SEMA5B: variants seen among roughly 807,000 people sequenced by gnomAD.
The protein encoded by SEMA5B is semaphorin-5B.
In SEMA5B, 66 loss-of-function variants were observed where a neutral mutation model predicts 135.0. That is an observed-to-expected ratio of 0.49 (90% CI 0.40 to 0.60). SEMA5B has a LOEUF of 0.60. Ranked by LOEUF, SEMA5B falls within the 20% of genes least tolerant of loss-of-function variation. SEMA5B has a pLI of 0.00. For missense variants in SEMA5B, 1,501 were observed against 1,566.3 expected (o/e 0.96, Z 0.70); for synonymous variants, 690 against 639.5 (o/e 1.08, Z -1.19).
intron 1 of SEMA5B, chr3:122,976,164 G>T (rs1941314200): frequency 3.3e-6 from 5 of 1,532,362 alleles, no homozygotes; most frequent in Non-Finnish European, 4.4e-6. Context: ...CCTGTGTTGG[G>T]CTGTGCAGAT....
Position 122,912,967 on chromosome 3 carries a change from C to G in SEMA5B, c.2601G>C (p.Arg867=), listed in dbSNP as rs1200605936. 6.2e-7 allele frequency: 1 copy of G among 1,611,908 alleles called. No homozygotes were observed. Among genetic ancestry groups the G allele is most frequent in the South Asian group, 1.1e-5 (1 of 90,950 alleles). The change falls in exon 18 of 23, where the codon CGG becomes CGC. Residue 867 remains arginine, a synonymous_variant. Coordinates refer to ENST00000357599, the MANE Select transcript of SEMA5B (RefSeq NM_001031702.4). ...GGACGCGGAAGCCCAGCTCGCAGTC[C>G]CGGGAGCAGGACGACCACGGGCCCC... ...AAWGPWSSCS[R]DCELGFRVRK... is the part of the protein sequence containing the mutation.
intron 1 of SEMA5B, among the ~76,000 whole-genome samples, chr3:122,964,719 G>T (rs144757143): frequency 5.9e-5 from 9 of 152,206 alleles, no homozygotes; most frequent in Non-Finnish European, 8.8e-5. Context: ...TGGTCTCAAG[G>T]CCCCATTGAA....
chr3:123,013,538 G>A (rs1286671723), intron 1 of SEMA5B, among the ~76,000 whole-genome samples: 1 of 152,186 alleles, frequency 6.6e-6, no homozygotes, highest in Non-Finnish European at 1.5e-5. Context: ...TTGGAGAGGA[G>A]AAATAATTTG....
In SEMA5B at chr3:122,913,849, C is replaced by T; in HGVS notation, c.2132+9G>A. 1 of 1,594,798 alleles carries T rather than the reference C, an allele frequency of 6.3e-7. No homozygotes were observed. On this transcript the variant is annotated intron_variant, in intron 15 of 22. Transcript: ENST00000357599. ...TCTGGGACCTCAGAGCAAGCCTGTT[C>T]TCCCTCACCGTTCCTCCCGGCTCTT...
chr3:123,004,081 T>C (rs1942247722), intron 1 of SEMA5B, among the ~76,000 whole-genome samples: 1 of 152,168 alleles, frequency 6.6e-6, no homozygotes, highest in Non-Finnish European at 1.5e-5. Context: ...CTAAACAGCA[T>C]ACGTACCCTT....
chr3:122,989,078 C>G (rs532095447), intron 1 of SEMA5B, among the ~76,000 whole-genome samples: 1 of 152,374 alleles, frequency 6.6e-6, no homozygotes, highest in East Asian at 1.9e-4. Flanking sequence ...CCCTCTACAT[C>G]TTTCTCACTG....
In SEMA5B at chr3:122,997,520, C is replaced by CCCCCT. The variant is rs1560427202; in HGVS notation, c.-39+29943_-39+29944insAGGGG. ...TACCTGGCTGGTCCCCAGGCCTCTC[C>CCCCCT]CCCCCCCGTCTCCACCAGGGCATGT... On this transcript the variant is annotated intron_variant, in intron 1 of 22. Coordinates refer to ENST00000357599, the MANE Select transcript of SEMA5B (RefSeq NM_001031702.4). 4.3e-4 allele frequency among the ~76,000 whole-genome samples: 58 copies of CCCCCT among 135,608 alleles called. 1 individual carries two copies. The highest frequency in any genetic ancestry group is 1.5e-3 in the African/African-American group (56 of 37,418). 89.0% of individuals were successfully genotyped at this position (135,608 alleles called of 152,430 possible). A position where few individuals can be genotyped will look rare whatever the true frequency, so the allele number is the denominator to read the frequency against.
At chr3:122,983,362 T>A (rs1941589382) in intron 1 of SEMA5B, among the ~76,000 whole-genome samples, 1 of 152,100 alleles carries the variant, frequency 6.6e-6, no homozygotes, top group Non-Finnish European at 1.5e-5. Context: ...TAACTTAATT[T>A]TTTTCTCCTG....
At chr3:122,947,315 C>T (rs73856762) in intron 3 of SEMA5B, among the ~76,000 whole-genome samples, 55 of 152,218 alleles carry the variant, frequency 3.6e-4, no homozygotes, top group African/African-American at 1.2e-3. Context: ...AACAAGACAG[C>T]GCCGAGAAGA....
chr3:122,990,547 G>GC (rs35197183), intron 1 of SEMA5B, among the ~76,000 whole-genome samples: 2 of 151,846 alleles, frequency 1.3e-5, no homozygotes, highest in Admixed American at 6.6e-5. Flanking sequence ...TTCTCTACCT[G>GC]CCCCCCCAAA....
intron 1 of SEMA5B, among the ~76,000 whole-genome samples, chr3:122,987,193 T>G (rs1941728922): frequency 6.8e-6 from 1 of 147,974 alleles, no homozygotes; most frequent in East Asian, 2.0e-4. Flanking sequence ...GAGAGAGAGA[T>G]TGGAGAGGGT....
At chr3:122,916,028 G>C (rs1938060392) in intron 12 of SEMA5B, 138 bp from the exon 13 acceptor site, 1 of 669,306 alleles carries the variant, frequency 1.5e-6, no homozygotes, top group South Asian at 1.8e-5. Flanking sequence ...AGTTCATTGG[G>C]CCTTTACTGT....
At chr3:122,913,722 C>T in intron 15 of SEMA5B, 41 bp from the exon 16 acceptor site, 1 of 1,604,092 alleles carries the variant, frequency 6.2e-7, no homozygotes, top group Non-Finnish European at 8.5e-7. Flanking sequence ...GAGGGGGACC[C>T]CCTTCCCTGA....
chr3:122,991,948 C>T (rs1941893227), intron 1 of SEMA5B, among the ~76,000 whole-genome samples: 1 of 152,156 alleles, frequency 6.6e-6, no homozygotes, highest in African/African-American at 2.4e-5. Context: ...GACGGCAAAA[C>T]AGATGGCTGA....
In SEMA5B at chr3:122,943,502, G is replaced by C. The variant is rs1939655605; in HGVS notation, c.362C>G (p.Pro121Arg). 1 of 1,610,058 alleles carries C rather than the reference G, an allele frequency of 6.2e-7. No individual in the cohort carries two copies. Among genetic ancestry groups the C allele is most frequent in the Admixed American group, 1.7e-5 (1 of 59,510 alleles). The change falls in exon 4 of 23, where the codon CCT becomes CGT. Residue 121 changes from proline to arginine, a missense_variant. Physicochemically the swap from Pro to Arg is moderately radical, Grantham distance 103. Transcript: ENST00000357599. ...LQPWVSNFTYPGARDFSQLAL... is the reference protein window; with the variant it reads ...LQPWVSNFTYRGARDFSQLAL... ...CAGCTGGGAGAAATCCCGGGCTCCA[G>C]GGTAGGTGAAGTTAGAGACCCACGG...
At chr3:122,954,782 G>T (rs1049470373) in intron 2 of SEMA5B, among the ~76,000 whole-genome samples, 9 of 149,736 alleles carry the variant, frequency 6.0e-5, no homozygotes, top group Admixed American at 5.4e-4. Context: ...GGGCCCTGTG[G>T]GGTGGTCATC....
intron 1 of SEMA5B, among the ~76,000 whole-genome samples, chr3:122,969,849 A>G (rs1941036584): frequency 6.6e-6 from 1 of 152,196 alleles, no homozygotes; most frequent in African/African-American, 2.4e-5. Context: ...TTGGCTGTGG[A>G]AGGTATTTTT....
intron 4 of SEMA5B, among the ~76,000 whole-genome samples, chr3:122,941,321 A>C (rs1169676792): frequency 6.6e-6 from 1 of 152,198 alleles, no homozygotes; most frequent in Admixed American, 6.5e-5. Flanking sequence ...ATGCAGGAAA[A>C]AGTGTCCCTC....
chr3:123,008,240 A>C (rs1216666919), intron 1 of SEMA5B, among the ~76,000 whole-genome samples: 1 of 152,252 alleles, frequency 6.6e-6, no homozygotes, highest in East Asian at 1.9e-4. Flanking sequence ...CTATATGTTA[A>C]CATCTAGCTT....
Sources: gnomAD v4.1 joint callset for allele counts (sites outside exome capture counted in the v4.1 genomes callset) on GRCh38, gnomAD v4.1.1 for gene constraint, MANE v1.5 for transcripts, NCBI Gene and HGNC (gene_info 2026-07-23, HGNC 2026-07-21) for gene names.